Variants in ERC2 observed in about 807,000 individuals in gnomAD.
The protein encoded by ERC2 is ERC protein 2.
ERC2 carries 42 observed loss-of-function variants against 114.8 expected under a neutral mutation model. The observed-to-expected ratio is 0.37, with a 90% confidence interval of 0.29 to 0.47. ERC2 has a LOEUF of 0.47. Ranked by LOEUF, ERC2 falls within the 20% of genes least tolerant of loss-of-function variation. ERC2 has a pLI of 0.99. For missense variants in ERC2, 939 were observed against 1,150.7 expected, an observed-to-expected ratio of 0.82 and a Z score of 2.66; for synonymous variants, 454 against 425.5, an observed-to-expected ratio of 1.07 and a Z score of -0.82.
At chr3:55,952,163 ACACACACACACACACAC>A (rs2067577403) in intron 12 of ERC2, among the ~76,000 whole-genome samples, 4 of 73,536 alleles carry the variant, frequency 5.4e-5, no homozygotes, top group Admixed American at 1.7e-4. Context: ...ACACACACAC[ACACACACACACACACAC>A]TCTCTCTCTC....
At chr3:55,610,550 A>ACACACACAC (rs1559739543) in intron 17 of ERC2, 2 of 62,062 alleles carry the variant, frequency 3.2e-5, no homozygotes, top group African/African-American at 4.5e-5. Context: ...CACACACACA[A>ACACACACAC]AGTAGCCAGG....
chr3:55,576,976 A>T (rs972396620), intron 17 of ERC2, among the ~76,000 whole-genome samples: 11 of 152,204 alleles, frequency 7.2e-5, no homozygotes, highest in African/African-American at 2.4e-4. Flanking sequence ...AGACAAGTCG[A>T]GGTGATTAAA....
chr3:56,216,826 G>A (rs1435098436), intron 3 of ERC2, among the ~76,000 whole-genome samples: 1 of 152,182 alleles, frequency 6.6e-6, no homozygotes, highest in African/African-American at 2.4e-5. Context: ...GGGATGCAAG[G>A]CTGGTTCAAC....
At chr3:55,569,350 G>A (rs1046242046) in intron 17 of ERC2, among the ~76,000 whole-genome samples, 2 of 152,142 alleles carry the variant, frequency 1.3e-5, no homozygotes, top group African/African-American at 4.8e-5. Context: ...CTTCCATTCC[G>A]ATGGCATGTT....
Position 56,371,458 on chromosome 3 carries a change from A to G in ERC2, c.657+62893T>C, listed in dbSNP as rs1187522058. ...ACTCTACCACCTGCCTGTGTCAAACACGACAAGTAATGTAAGCTTCCTCTC... is the reference window on the plus strand; with the variant it reads ...ACTCTACCACCTGCCTGTGTCAAACGCGACAAGTAATGTAAGCTTCCTCTC... On this transcript the variant is annotated intron_variant, in intron 2 of 17. Transcript: ENST00000288221. Among the ~76,000 whole-genome samples, 4 of 152,212 alleles carry G rather than the reference A, an allele frequency of 2.6e-5. No homozygotes were observed. The East Asian group carries it at 7.7e-4, about 29-fold the overall frequency.
At chr3:56,254,065 CAGTT>C (rs1160028173) in intron 3 of ERC2, among the ~76,000 whole-genome samples, 2 of 152,218 alleles carry the variant, frequency 1.3e-5, no homozygotes, top group Admixed American at 6.5e-5. Context: ...AAAGTATTGT[CAGTT>C]AGTTTAGATG....
intron 13 of ERC2, among the ~76,000 whole-genome samples, chr3:55,934,222 T>A (rs993599444): frequency 6.6e-6 from 1 of 152,208 alleles, no homozygotes; most frequent in Non-Finnish European, 1.5e-5. Flanking sequence ...CTTGCATTTT[T>A]CTCCCAGTCA....
At chr3:56,131,870 A>G (rs2080220821) in intron 6 of ERC2, among the ~76,000 whole-genome samples, 3 of 152,204 alleles carry the variant, frequency 2.0e-5, no homozygotes, top group Non-Finnish European at 4.4e-5. Flanking sequence ...AATGATAAAC[A>G]TTTGTGGTGA....
intron 17 of ERC2, among the ~76,000 whole-genome samples, chr3:55,550,694 C>T (rs966277817): frequency 1.1e-4 from 17 of 152,200 alleles, no homozygotes; most frequent in Middle Eastern, 6.8e-3. Context: ...CAGGTCTGCC[C>T]GATTTCCAAA....
chr3:55,741,409 T>C (rs1406199091), intron 14 of ERC2, among the ~76,000 whole-genome samples: 1 of 152,068 alleles, frequency 6.6e-6, no homozygotes, highest in Non-Finnish European at 1.5e-5. Flanking sequence ...TTAAAGAGTA[T>C]ACCAGTGACA....
chr3:56,356,878 C>T (rs2058765385), intron 2 of ERC2, among the ~76,000 whole-genome samples: 1 of 152,180 alleles, frequency 6.6e-6, no homozygotes, highest in East Asian at 1.9e-4. Flanking sequence ...ACTACCCCCA[C>T]TTTATTGATG....
intron 12 of ERC2, among the ~76,000 whole-genome samples, chr3:55,980,012 C>A (rs1244824725): frequency 4.1e-5 from 6 of 146,250 alleles, no homozygotes; most frequent in African/African-American, 1.5e-4. Flanking sequence ...AAATTTATTC[C>A]CATCCCCAAA....
intron 3 of ERC2, among the ~76,000 whole-genome samples, chr3:56,265,848 C>G (rs1355848185): frequency 1.3e-5 from 2 of 151,558 alleles, no homozygotes; most frequent in East Asian, 4.0e-4. Context: ...GGCCAACATA[C>G]TGAAATCTTG....
intron 17 of ERC2, among the ~76,000 whole-genome samples, chr3:55,624,783 G>C (rs2059446934): frequency 6.6e-6 from 1 of 152,106 alleles, no homozygotes; most frequent in African/African-American, 2.4e-5. Context: ...CCATGTCTGT[G>C]GTGTCGGTAT....
In ERC2 at chr3:56,381,125, T is replaced by C. The variant is rs150994699; in HGVS notation, c.657+53226A>G. 1.7e-3 allele frequency among the ~76,000 whole-genome samples: 256 copies of C among 152,324 alleles called. 1 individual carries two copies. The highest frequency in any genetic ancestry group is 5.8e-3 in the African/African-American group (242 of 41,570). Reference sequence around the variant, plus strand: ...TATGCCAAGAAAAACCTTATAATTCTCATAAATTCATTATTCCGATATTGG... The same window carrying C: ...TATGCCAAGAAAAACCTTATAATTCCCATAAATTCATTATTCCGATATTGG... On this transcript the variant is annotated intron_variant, in intron 2 of 17. Transcript: ENST00000288221.
chr3:56,394,409 A>C (rs114649314), intron 2 of ERC2, among the ~76,000 whole-genome samples: 3,053 of 152,330 alleles, frequency 0.02, 100 homozygotes, highest in African/African-American at 0.07. Flanking sequence ...AAATCACTGC[A>C]CAATATATTC....
At chr3:56,107,240 A>G (rs2149818302) in intron 6 of ERC2, among the ~76,000 whole-genome samples, 2 of 151,618 alleles carry the variant, frequency 1.3e-5, no homozygotes, top group East Asian at 3.9e-4. Context: ...GAAATTTCCA[A>G]TCACACAAAT....
chr3:55,972,576 C>A (rs962994119), intron 12 of ERC2, among the ~76,000 whole-genome samples: 3 of 152,176 alleles, frequency 2.0e-5, no homozygotes, highest in African/African-American at 7.2e-5. Flanking sequence ...TGGTTTCCAG[C>A]TTCATCCAAG....
At chr3:56,170,156 A>T (rs1283271149) in intron 4 of ERC2, among the ~76,000 whole-genome samples, 1 of 152,260 alleles carries the variant, frequency 6.6e-6, no homozygotes, top group Non-Finnish European at 1.5e-5. Flanking sequence ...GATCAAAATT[A>T]AAACTTGAAG....
Sources: allele counts gnomAD v4.1 joint callset (sites outside exome capture counted in the v4.1 genomes callset), GRCh38; gene constraint gnomAD v4.1.1; transcripts MANE v1.5; gene names NCBI Gene and HGNC (gene_info 2026-07-23, HGNC 2026-07-21).